Variants in CNTN6 observed in about 807,000 individuals in gnomAD.
The protein encoded by CNTN6 is contactin 6.
In CNTN6, 137 loss-of-function variants were observed where a neutral mutation model predicts 122.8. The ratio of observed to expected loss-of-function variants is 1.12; its 90% CI spans 0.97 to 1.29. The LOEUF (loss-of-function observed/expected upper bound fraction) is 1.29. Ranked by LOEUF, CNTN6 falls within the 50% of genes most tolerant of loss-of-function variation. CNTN6 has a pLI of 0.00. For missense variants in CNTN6, 1,634 were observed against 1,223.4 expected, an observed-to-expected ratio of 1.34 and a Z score of -5.01; for synonymous variants, 570 against 426.0, an observed-to-expected ratio of 1.34 and a Z score of -4.16.
chr3:1,303,208 A>T (rs1697730273), intron 7 of CNTN6, among the ~76,000 whole-genome samples: 1 of 77,766 alleles, frequency 1.3e-5, no homozygotes, highest in African/African-American at 3.3e-5. Flanking sequence ...GTAATTCAAA[A>T]TTACAGTCTG....
intron 19 of CNTN6, among the ~76,000 whole-genome samples, chr3:1,384,792 T>TACACACAC (rs1478251803): frequency 8.9e-6 from 1 of 111,784 alleles, no homozygotes; most frequent in Non-Finnish European, 2.0e-5. Context: ...TATATATATA[T>TACACACAC]ATATACACAC....
intron 7 of CNTN6, among the ~76,000 whole-genome samples, chr3:1,318,256 G>A (rs1700385879): frequency 6.6e-6 from 1 of 151,622 alleles, no homozygotes; most frequent in Admixed American, 6.6e-5. Flanking sequence ...TAGCTCTGCA[G>A]AGCAATAAGT....
intron 5 of CNTN6, among the ~76,000 whole-genome samples, chr3:1,289,293 G>A (rs1466348288): frequency 6.6e-6 from 1 of 152,154 alleles, no homozygotes; most frequent in East Asian, 1.9e-4. Context: ...TGACTGGGAG[G>A]AGCCAGCCCA....
intron 1 of CNTN6, among the ~76,000 whole-genome samples, chr3:1,100,894 A>C (rs985158680): frequency 2.0e-5 from 3 of 151,964 alleles, no homozygotes; most frequent in African/African-American, 7.2e-5. Flanking sequence ...TTAGAGTCAA[A>C]TTTCTTTATT....
At chr3:1,220,663 T>G in intron 2 of CNTN6, 24 bp from the exon 3 acceptor site, 1 of 1,572,690 alleles carries the variant, frequency 6.4e-7, no homozygotes, top group Non-Finnish European at 8.6e-7. Context: ...TTTTTTCATG[T>G]GATTTATTCT....
chr3:1,265,817 A>C (rs1164776008), intron 4 of CNTN6, among the ~76,000 whole-genome samples: 1 of 152,118 alleles, frequency 6.6e-6, no homozygotes, highest in Non-Finnish European at 1.5e-5. Context: ...TTAGCCTGAA[A>C]CACAAAAAAC....
Position 1,156,614 on chromosome 3 carries a change from CT to C in CNTN6, c.55+8555del, listed in dbSNP as rs374520486. ...AGACTTTCTTTCTTTCTTTCTTTTT[CT>C]TTTCTTTCTTTCTTTCTCTTTCTTT... On this transcript the variant is annotated intron_variant, in intron 2 of 22. Coordinates refer to ENST00000446702, the MANE Select transcript of CNTN6 (RefSeq NM_001289080.2). 7.0e-4 allele frequency among the ~76,000 whole-genome samples: 99 copies of C among 141,258 alleles called. No homozygotes were observed. The South Asian group carries it at 0.01, about 15-fold the overall frequency. 92.7% of individuals were successfully genotyped at this position (141,258 alleles called of 152,430 possible).
chr3:1,309,884 G>T (rs898868734), intron 7 of CNTN6, among the ~76,000 whole-genome samples: 2 of 152,050 alleles, frequency 1.3e-5, no homozygotes, highest in Admixed American at 1.3e-4. Context: ...ATGTTTTAGT[G>T]CTAATATAAA....
At chr3:1,368,551 G>A (rs561995590) in intron 12 of CNTN6, among the ~76,000 whole-genome samples, 1 of 152,238 alleles carries the variant, frequency 6.6e-6, no homozygotes, top group Non-Finnish European at 1.5e-5. Context: ...AAAAGTATTT[G>A]TGATCTTGCA....
At chr3:1,123,959 C>T (rs529941647) in intron 1 of CNTN6, among the ~76,000 whole-genome samples, 1 of 151,844 alleles carries the variant, frequency 6.6e-6, no homozygotes, top group Admixed American at 6.6e-5. Flanking sequence ...GTTTTCTCTC[C>T]CCTTCATTCT....
At chr3:1,134,038 A>G (rs1033541672) in intron 1 of CNTN6, among the ~76,000 whole-genome samples, 2 of 152,064 alleles carry the variant, frequency 1.3e-5, no homozygotes, top group African/African-American at 4.8e-5. Flanking sequence ...ACATATATCC[A>G]GGTAGCTAAC....
chr3:1,114,179 G>C (rs1353376250), intron 1 of CNTN6, among the ~76,000 whole-genome samples: 1 of 152,204 alleles, frequency 6.6e-6, no homozygotes, highest in Non-Finnish European at 1.5e-5. Flanking sequence ...TGGCAGAACG[G>C]GAGGGTTGAA....
chr3:1,314,564 T>C (rs1173466050), intron 7 of CNTN6, among the ~76,000 whole-genome samples: 1 of 152,074 alleles, frequency 6.6e-6, no homozygotes, highest in African/African-American at 2.4e-5. Flanking sequence ...TGAGGCACAG[T>C]GTGCTTCTAC....
chr3:1,239,170 G>A (rs1199881478), intron 4 of CNTN6, among the ~76,000 whole-genome samples: 1 of 152,108 alleles, frequency 6.6e-6, no homozygotes, highest in Non-Finnish European at 1.5e-5. Context: ...CCTAGCCAGA[G>A]CATTCAGAAA....
intron 20 of CNTN6, among the ~76,000 whole-genome samples, chr3:1,386,654 TAATG>T (rs1576013507): frequency 2.0e-5 from 3 of 152,098 alleles, no homozygotes; most frequent in East Asian, 2.0e-4. Flanking sequence ...TATATATTAT[TAATG>T]AACACAAATT....
intron 4 of CNTN6, among the ~76,000 whole-genome samples, chr3:1,232,774 G>C (rs559417008): frequency 6.6e-6 from 1 of 152,344 alleles, no homozygotes; most frequent in Admixed American, 6.5e-5. Context: ...GGAGCTCAAA[G>C]TGAGAAGTAG....
At chr3:1,158,788 ATGTG>A (rs572680621) in intron 2 of CNTN6, among the ~76,000 whole-genome samples, 25 of 110,836 alleles carry the variant, frequency 2.3e-4, no homozygotes, top group East Asian at 3.2e-4. Flanking sequence ...GTGTGTATAT[ATGTG>A]TATATATATA....
intron 12 of CNTN6, among the ~76,000 whole-genome samples, chr3:1,367,977 A>G (rs1559936672): frequency 6.6e-6 from 1 of 152,244 alleles, no homozygotes; most frequent in African/African-American, 2.4e-5. Flanking sequence ...GCACCAGAAC[A>G]GAAATTGTTA....
intron 7 of CNTN6, among the ~76,000 whole-genome samples, chr3:1,302,847 A>T (rs996779204): frequency 4.0e-5 from 6 of 151,792 alleles, no homozygotes; most frequent in African/African-American, 1.5e-4. Flanking sequence ...TCAAACATTT[A>T]TTTGTTTGTT....
Sources: gnomAD v4.1 joint callset for allele counts (sites outside exome capture counted in the v4.1 genomes callset) on GRCh38, gnomAD v4.1.1 for gene constraint, MANE v1.5 for transcripts, NCBI Gene and HGNC (gene_info 2026-07-23, HGNC 2026-07-21) for gene names.